CHODL: variants seen among roughly 807,000 people sequenced by gnomAD.
The protein encoded by CHODL is transmembrane protein MT75.
A neutral mutation model predicts 34.5 loss-of-function variants in CHODL; 29 were observed. The ratio of observed to expected loss-of-function variants is 0.84; its 90% CI spans 0.63 to 1.15. The LOEUF is 1.15. Among genes scored for constraint, CHODL ranks in the 50% most tolerant of loss-of-function variants. CHODL has a pLI of 0.00. For synonymous variants in CHODL, 125 were observed against 116.1 expected, an observed-to-expected ratio of 1.08 and a Z score of -0.49; for missense variants, 332 against 332.5, an observed-to-expected ratio of 1.00 and a Z score of 0.01.
intron 2 of CHODL, among the ~76,000 whole-genome samples, chr21:18,075,639 A>AT (rs1385413944): frequency 1.2e-4 from 18 of 152,172 alleles, no homozygotes. Context: ...AATGGTAGCT[A>AT]TTTTTATAAT....
intron 1 of CHODL, among the ~76,000 whole-genome samples, chr21:18,022,866 A>G (rs2064140582): frequency 6.6e-6 from 1 of 152,226 alleles, no homozygotes; most frequent in Non-Finnish European, 1.5e-5. Flanking sequence ...AGACACTTAG[A>G]GGTTACTTGC....
intron 1 of CHODL, among the ~76,000 whole-genome samples, chr21:17,938,122 G>C (rs924456883): frequency 6.6e-6 from 1 of 152,150 alleles, no homozygotes; most frequent in African/African-American, 2.4e-5. Flanking sequence ...GTTCCCCACT[G>C]CTGGGGCTGA....
intron 1 of CHODL, among the ~76,000 whole-genome samples, chr21:17,961,889 T>C (rs1481424662): frequency 6.6e-6 from 1 of 152,226 alleles, no homozygotes; most frequent in Admixed American, 6.5e-5. Context: ...AGAAAGGGTC[T>C]AGTATTTGCT....
intron 2 of CHODL, among the ~76,000 whole-genome samples, chr21:18,208,328 T>C (rs1161604471): frequency 6.6e-6 from 1 of 152,142 alleles, no homozygotes; most frequent in African/African-American, 2.4e-5. Flanking sequence ...GCTTGAATCT[T>C]TTTGATTATT....
At chr21:17,993,128 A>T (rs571920685) in intron 1 of CHODL, among the ~76,000 whole-genome samples, 1 of 152,194 alleles carries the variant, frequency 6.6e-6, no homozygotes, top group Admixed American at 6.5e-5. Flanking sequence ...TCCAGTTCTT[A>T]GTATTTTCAT....
At chr21:18,076,764 T>C (rs2064871746) in intron 2 of CHODL, among the ~76,000 whole-genome samples, 1 of 152,134 alleles carries the variant, frequency 6.6e-6, no homozygotes, top group African/African-American at 2.4e-5. Context: ...CCAGCAAGGG[T>C]GGAGCCACTG....
At chr21:17,923,278 T>G (rs1821075695) in intron 1 of CHODL, among the ~76,000 whole-genome samples, 1 of 151,802 alleles carries the variant, frequency 6.6e-6, no homozygotes, top group Non-Finnish European at 1.5e-5. Context: ...TCTGCCTCTT[T>G]TTTTTTTTCC....
Position 18,257,085 on chromosome 21 carries a change from A to T in CHODL, c.505A>T (p.Arg169Trp). Residue 169 changes from arginine (R) to tryptophan (W), a missense_variant, in exon 3 of 6, where the codon AGG (arginine) becomes TGG (tryptophan). Physicochemically the swap from Arg to Trp is moderately radical, Grantham distance 101. Transcript: ENST00000299295. ...GPYLYQWNDD[R>W]CNMKHNYICK... ...CTACCTTTACCAGTGGAATGATGACAGGTGTAACATGAAGCACAATTATAT... is the reference window on the plus strand; with the variant it reads ...CTACCTTTACCAGTGGAATGATGACTGGTGTAACATGAAGCACAATTATAT... 1 of 1,613,792 alleles carries T rather than the reference A, an allele frequency of 6.2e-7. No individual in the cohort carries two copies. Among genetic ancestry groups the T allele is most frequent in the Non-Finnish European group, 8.5e-7 (1 of 1,179,832 alleles).
At chr21:18,246,473 A>G (rs974421153) in intron 1 of CHODL, among the ~76,000 whole-genome samples, 1 of 152,168 alleles carries the variant, frequency 6.6e-6, no homozygotes, top group African/African-American at 2.4e-5. Context: ...GTGATGTTCT[A>G]CAGCTTCAGA....
intron 2 of CHODL, among the ~76,000 whole-genome samples, chr21:18,187,078 A>T (rs1432812009): frequency 1.3e-5 from 2 of 152,194 alleles, no homozygotes; most frequent in Non-Finnish European, 2.9e-5. Context: ...CAAGTACTGT[A>T]AGCAAGGTAA....
chr21:17,987,342 C>A (rs1472001210), intron 1 of CHODL, among the ~76,000 whole-genome samples: 1 of 152,146 alleles, frequency 6.6e-6, no homozygotes, highest in Non-Finnish European at 1.5e-5. Context: ...TTCAAAATAT[C>A]TTTTTCTCAG....
chr21:18,170,900 G>A (rs984095132), intron 2 of CHODL, among the ~76,000 whole-genome samples: 12 of 151,832 alleles, frequency 7.9e-5, no homozygotes, highest in Non-Finnish European at 2.9e-5. Context: ...TTATTGTTTA[G>A]CATCCTTTTA....
intron 2 of CHODL, among the ~76,000 whole-genome samples, chr21:18,203,929 C>T (rs961238067): frequency 6.6e-6 from 1 of 152,008 alleles, no homozygotes; most frequent in Non-Finnish European, 1.5e-5. Flanking sequence ...TAAGTGATTC[C>T]CTCAAGGAAA....
chr21:17,964,669 T>A (rs1175071991), intron 1 of CHODL, among the ~76,000 whole-genome samples: 1 of 152,220 alleles, frequency 6.6e-6, no homozygotes, highest in African/African-American at 2.4e-5. Context: ...GGTTTAATGA[T>A]TCCTGGTTTC....
intron 2 of CHODL, among the ~76,000 whole-genome samples, chr21:18,231,641 G>A (rs1048028804): frequency 4.0e-5 from 6 of 151,852 alleles, no homozygotes; most frequent in African/African-American, 1.2e-4. Context: ...TTTCATCCAC[G>A]CTGTATCACT....
Position 18,064,087 on chromosome 21 carries a change from G to C in CHODL, c.-45+36116G>C, listed in dbSNP as rs2064702132. ...TTTATTCGCCTCCTCACTTGGGTCA[G>C]AGGTTCTTTTAAGAGCCTTTCTTTG... On this transcript the variant is annotated intron_variant, in intron 2 of 6. Coordinates refer to the CHODL transcript ENST00000400127. Among the ~76,000 whole-genome samples the C allele has an allele frequency of 2.0e-5, 3 of 152,126 alleles. No individual in the cohort carries two copies. The South Asian group carries it at 6.2e-4, about 32-fold the overall frequency.
In CHODL at chr21:18,214,012, G is replaced by A. The variant is rs1445376898; in HGVS notation, c.-44-42497G>A. ...AAGCCAGAAATTCTAAAATATGTGG[G>A]GAACAATGCCAAGTCTTTTCTCAAG... is the stretch of plus-strand genomic sequence containing the variant. On this transcript the variant is annotated intron_variant, in intron 2 of 6. Coordinates refer to the CHODL transcript ENST00000400127. 7.2e-5 allele frequency among the ~76,000 whole-genome samples: 11 copies of A among 152,022 alleles called. No individual in the cohort carries two copies. In the East Asian group the frequency reaches 1.9e-3, roughly 27 times the overall value.
chr21:18,204,685 T>A (rs2073693199), intron 2 of CHODL, among the ~76,000 whole-genome samples: 1 of 152,192 alleles, frequency 6.6e-6, no homozygotes, highest in Admixed American at 6.5e-5. Context: ...CACTGTAGTT[T>A]CTTACTTCCA....
intron 2 of CHODL, among the ~76,000 whole-genome samples, chr21:18,173,735 A>T (rs753361965): frequency 1.3e-5 from 2 of 152,074 alleles, no homozygotes; most frequent in Non-Finnish European, 2.9e-5. Flanking sequence ...TTGCTACGGG[A>T]TGAGAAAATA....
Sources: gnomAD v4.1 joint callset for allele counts (sites outside exome capture counted in the v4.1 genomes callset) on GRCh38, gnomAD v4.1.1 for gene constraint, MANE v1.5 for transcripts, NCBI Gene and HGNC (gene_info 2026-07-23, HGNC 2026-07-21) for gene names.